Variants in SDC2 observed in about 807,000 individuals in gnomAD.
SDC2 encodes the protein syndecan-2.
SDC2 carries 13 observed loss-of-function variants against 22.2 expected under a neutral mutation model. That is an observed-to-expected ratio of 0.59 (90% confidence interval 0.38 to 0.93). The LOEUF (loss-of-function observed/expected upper bound fraction) is 0.93. SDC2 is among the 40% of genes least tolerant of loss of function. SDC2 has a pLI of 0.00. For missense variants in SDC2, 235 were observed against 246.8 expected (o/e 0.95, Z 0.32); for synonymous variants, 94 against 92.8 (o/e 1.01, Z -0.07).
At chr8:96,500,164 G>A (rs1012983002) in intron 1 of SDC2, among the ~76,000 whole-genome samples, 1 of 152,080 alleles carries the variant, frequency 6.6e-6, no homozygotes, top group Non-Finnish European at 1.5e-5. Context: ...TTGATGTAAC[G>A]TCTTGACACA....
chr8:96,583,908 G>A (rs1814638540), intron 1 of SDC2, among the ~76,000 whole-genome samples: 1 of 152,044 alleles, frequency 6.6e-6, no homozygotes, highest in African/African-American at 2.4e-5. Flanking sequence ...CCCCTGTAGT[G>A]GGCATTGAGA....
chr8:96,509,874 TC>T (rs534677543), intron 1 of SDC2, among the ~76,000 whole-genome samples: 8 of 152,236 alleles, frequency 5.3e-5, no homozygotes, highest in Admixed American at 1.3e-4. Flanking sequence ...AAATCCTTGC[TC>T]CCTTCCAGCT....
chr8:96,519,069 G>A (rs1301693958), intron 1 of SDC2, among the ~76,000 whole-genome samples: 2 of 152,076 alleles, frequency 1.3e-5, no homozygotes, highest in African/African-American at 4.8e-5. Flanking sequence ...GAGCCCTTGC[G>A]TGACAATTTT....
At chr8:96,603,383 T>A (rs770674651) in intron 3 of SDC2, among the ~76,000 whole-genome samples, 1 of 152,190 alleles carries the variant, frequency 6.6e-6, no homozygotes, top group Non-Finnish European at 1.5e-5. Context: ...ACCAAGCCAA[T>A]TCACCAAATG....
intron 3 of SDC2, among the ~76,000 whole-genome samples, chr8:96,607,262 C>T (rs1461015476): frequency 6.6e-6 from 1 of 152,086 alleles, no homozygotes; most frequent in Non-Finnish European, 1.5e-5. Context: ...TGGGTGAGGA[C>T]TGGAAGCTAC....
At chr8:96,532,655 C>G (rs2130488863) in intron 1 of SDC2, among the ~76,000 whole-genome samples, 1 of 152,140 alleles carries the variant, frequency 6.6e-6, no homozygotes, top group East Asian at 1.9e-4. Flanking sequence ...CACTGCCACC[C>G]CCATCCCCCC....
At chr8:96,580,846 T>C (rs914186313) in intron 1 of SDC2, among the ~76,000 whole-genome samples, 2 of 152,196 alleles carry the variant, frequency 1.3e-5, no homozygotes, top group African/African-American at 4.8e-5. Context: ...TGGGAAGAAT[T>C]GAATATCCTA....
At chr8:96,499,071 C>G (rs1813119920) in intron 1 of SDC2, among the ~76,000 whole-genome samples, 1 of 152,208 alleles carries the variant, frequency 6.6e-6, no homozygotes, top group Non-Finnish European at 1.5e-5. Flanking sequence ...GCCTTCCTTT[C>G]TGGTTACCCC....
At chr8:96,593,664 T>A (rs1462469628) in intron 2 of SDC2, 73 bp downstream of exon 2, 1 of 981,710 alleles carries the variant, frequency 1.0e-6, no homozygotes, top group East Asian at 2.4e-5. Flanking sequence ...CTGTGCTTAC[T>A]TCAAGGAGAC....
At chr8:96,570,995 C>T (rs1220243516) in intron 1 of SDC2, among the ~76,000 whole-genome samples, 2 of 152,076 alleles carry the variant, frequency 1.3e-5, no homozygotes, top group African/African-American at 2.4e-5. Flanking sequence ...GTAATGGTTG[C>T]ACAACGGTGT....
At chr8:96,545,423 C>T (rs908507254) in intron 1 of SDC2, among the ~76,000 whole-genome samples, 2 of 152,102 alleles carry the variant, frequency 1.3e-5, no homozygotes, top group Non-Finnish European at 2.9e-5. Context: ...AAATTCACCT[C>T]GAGAAACACC....
intron 1 of SDC2, among the ~76,000 whole-genome samples, chr8:96,587,289 A>T (rs1044974630): frequency 1.3e-5 from 2 of 152,146 alleles, no homozygotes; most frequent in Non-Finnish European, 2.9e-5. Context: ...GTGTGACCTC[A>T]CTTTTGATTT....
At chr8:96,595,506 CTT>C (rs34644065) in intron 2 of SDC2, among the ~76,000 whole-genome samples, 3 of 146,086 alleles carry the variant, frequency 2.1e-5, no homozygotes, top group African/African-American at 5.0e-5. Flanking sequence ...CATGGCACCT[CTT>C]TTTTTTTTTT....
At chr8:96,591,190 A>G (rs948250904) in intron 1 of SDC2, among the ~76,000 whole-genome samples, 1 of 152,246 alleles carries the variant, frequency 6.6e-6, no homozygotes, top group Non-Finnish European at 1.5e-5. Context: ...TACCCTTGCC[A>G]CATCAAACTT....
chr8:96,608,102 A>G (rs1024754247), intron 3 of SDC2, among the ~76,000 whole-genome samples: 1 of 152,188 alleles, frequency 6.6e-6, no homozygotes, highest in Non-Finnish European at 1.5e-5. Flanking sequence ...TTATGAACTC[A>G]CTAGCTCTCC....
At chr8:96,511,861 A>G (rs1185613370) in intron 1 of SDC2, among the ~76,000 whole-genome samples, 1 of 150,404 alleles carries the variant, frequency 6.6e-6, no homozygotes, top group African/African-American at 2.5e-5. Context: ...TGTTAGATTC[A>G]CTTTCAGGTT....
chr8:96,543,834 A>G (rs1813889846), intron 1 of SDC2, among the ~76,000 whole-genome samples: 1 of 152,220 alleles, frequency 6.6e-6, no homozygotes, highest in Admixed American at 6.5e-5. Flanking sequence ...TGTACTTACA[A>G]ATAAATTTAT....
intron 1 of SDC2, among the ~76,000 whole-genome samples, chr8:96,524,973 T>C (rs1223993509): frequency 1.3e-5 from 2 of 152,172 alleles, no homozygotes; most frequent in African/African-American, 4.8e-5. Flanking sequence ...ACTTTGGCCA[T>C]TATTTGTCGG....
chr8:96,511,950 G>A (rs1298177345), intron 1 of SDC2, among the ~76,000 whole-genome samples: 1 of 152,158 alleles, frequency 6.6e-6, no homozygotes, highest in Non-Finnish European at 1.5e-5. Context: ...ATTTATTTCT[G>A]TTTGACACAA....
Sources: gnomAD v4.1 joint callset for allele counts (sites outside exome capture counted in the v4.1 genomes callset) on GRCh38, gnomAD v4.1.1 for gene constraint, MANE v1.5 for transcripts, NCBI Gene and HGNC (gene_info 2026-07-23, HGNC 2026-07-21) for gene names.